TRDN: variants seen among roughly 807,000 people sequenced by gnomAD.
TRDN encodes the protein triadin, also known as triadin in skeletal muscle.
TRDN carries 161 observed loss-of-function variants against 149.7 expected under a neutral mutation model. The ratio of observed to expected loss-of-function variants is 1.08; its 90% confidence interval spans 0.95 to 1.23. The LOEUF (loss-of-function observed/expected upper bound fraction) is 1.23. TRDN is among the 50% of genes most tolerant of loss of function. The probability of loss-of-function intolerance (pLI) is 0.00; values close to 1 mark genes in which losing one functional copy is unlikely to be tolerated. For synonymous variants in TRDN, 294 were observed against 250.5 expected (o/e 1.17, Z -1.64); for missense variants, 896 against 823.5 (o/e 1.09, Z -1.08).
intron 12 of TRDN, among the ~76,000 whole-genome samples, chr6:123,417,785 G>T (rs1218167763): frequency 6.6e-6 from 1 of 152,104 alleles, no homozygotes. Context: ...CCATCTCTCC[G>T]GTTTCTCATA....
chr6:123,489,715 T>C (rs1039077385), intron 9 of TRDN: 6 of 151,846 alleles, frequency 4.0e-5, no homozygotes, highest in Non-Finnish European at 8.8e-5. Context: ...TTCCTAACAA[T>C]GCTTAAAACT....
At chr6:123,546,630 G>T (rs1781126627) in intron 4 of TRDN, among the ~76,000 whole-genome samples, 1 of 152,020 alleles carries the variant, frequency 6.6e-6, no homozygotes, top group Non-Finnish European at 1.5e-5. Flanking sequence ...CTGCTCCCCA[G>T]TGCCCCTTCC....
At chr6:123,381,890 T>C (rs986725381) in intron 15 of TRDN, among the ~76,000 whole-genome samples, 2 of 151,994 alleles carry the variant, frequency 1.3e-5, no homozygotes, top group Middle Eastern at 3.2e-3. Context: ...TGTGAAAGGA[T>C]ATGCAGTATT....
chr6:123,562,954 G>C (rs189958775), intron 2 of TRDN, among the ~76,000 whole-genome samples: 1 of 152,154 alleles, frequency 6.6e-6, no homozygotes, highest in Admixed American at 6.5e-5. Context: ...CTGAGGCATG[G>C]GCATTTTCCC....
intron 3 of TRDN, among the ~76,000 whole-genome samples, chr6:123,548,032 A>C (rs1020375896): frequency 6.6e-6 from 1 of 152,096 alleles, no homozygotes; most frequent in Non-Finnish European, 1.5e-5. Flanking sequence ...ATTTGACTAT[A>C]AATATGACAT....
At chr6:123,633,183 T>A (rs987661044) in intron 1 of TRDN, among the ~76,000 whole-genome samples, 1 of 152,070 alleles carries the variant, frequency 6.6e-6, no homozygotes, top group African/African-American at 2.4e-5. Context: ...TAATTATATA[T>A]GGGATTCCCA....
chr6:123,433,143 AATAT>A (rs540516694), intron 12 of TRDN, among the ~76,000 whole-genome samples: 2 of 96,436 alleles, frequency 2.1e-5, no homozygotes, highest in Non-Finnish European at 3.9e-5. Context: ...ACACATCATA[AATAT>A]ATATATATAT....
At chr6:123,490,186 A>T (rs1373371601) in intron 9 of TRDN, among the ~76,000 whole-genome samples, 1 of 152,256 alleles carries the variant, frequency 6.6e-6, no homozygotes, top group Non-Finnish European at 1.5e-5. Context: ...TCAAAGAGAA[A>T]AAAGGAAATA....
chr6:123,278,590 C>T (rs1777460210), intron 25 of TRDN, among the ~76,000 whole-genome samples: 1 of 152,110 alleles, frequency 6.6e-6, no homozygotes, highest in Non-Finnish European at 1.5e-5. Context: ...GGCATGGTGG[C>T]TCATGCCTGT....
chr6:123,614,938 A>G (rs1785008695), intron 1 of TRDN, among the ~76,000 whole-genome samples: 1 of 152,194 alleles, frequency 6.6e-6, no homozygotes, highest in Admixed American at 6.5e-5. Flanking sequence ...CAAGAAACTC[A>G]AACAATAGCA....
At chr6:123,507,540 T>C (rs1176756984) in intron 7 of TRDN, among the ~76,000 whole-genome samples, 3 of 152,096 alleles carry the variant, frequency 2.0e-5, no homozygotes, top group Non-Finnish European at 4.4e-5. Flanking sequence ...AAAGAAAATA[T>C]CATGAAACTA....
chr6:123,335,944 T>C (rs1285683368), intron 22 of TRDN, among the ~76,000 whole-genome samples: 1 of 151,992 alleles, frequency 6.6e-6, no homozygotes, highest in Non-Finnish European at 1.5e-5. Context: ...GCTGTTTTTA[T>C]TGACTTTCAT....
At chr6:123,499,048 C>G (rs913016993) in intron 8 of TRDN, among the ~76,000 whole-genome samples, 1 of 151,984 alleles carries the variant, frequency 6.6e-6, no homozygotes, top group African/African-American at 2.4e-5. Context: ...TTAGATGAAT[C>G]TAATTAGACT....
intron 5 of TRDN, among the ~76,000 whole-genome samples, chr6:123,517,884 G>A (rs1013137018): frequency 6.6e-6 from 1 of 151,962 alleles, no homozygotes; most frequent in Non-Finnish European, 1.5e-5. Flanking sequence ...TAATAATATT[G>A]ATATTGTTAA....
At chr6:123,595,021 T>C (rs2114630980) in intron 1 of TRDN, among the ~76,000 whole-genome samples, 1 of 152,124 alleles carries the variant, frequency 6.6e-6, no homozygotes, top group Non-Finnish European at 1.5e-5. Flanking sequence ...GACTCACAGT[T>C]CCTTATACAG....
chr6:123,608,742 G>A (rs778378671), intron 1 of TRDN, among the ~76,000 whole-genome samples: 23 of 152,114 alleles, frequency 1.5e-4, no homozygotes, highest in African/African-American at 4.8e-4. Context: ...ACTGGGATAC[G>A]TTTTCTGGGG....
chr6:123,540,592 T>C (rs949773651), intron 4 of TRDN, among the ~76,000 whole-genome samples: 30 of 152,230 alleles, frequency 2.0e-4, no homozygotes, highest in African/African-American at 7.0e-4. Flanking sequence ...CCACCTGGGC[T>C]CACCGCAGGC....
At chr6:123,249,437 C>T (rs988046430) in intron 38 of TRDN, among the ~76,000 whole-genome samples, 1 of 151,908 alleles carries the variant, frequency 6.6e-6, no homozygotes, top group East Asian at 1.9e-4. Flanking sequence ...GCATATCTAC[C>T]CAAAGGAAAA....
chr6:123,393,517 TCC>T, intron 13 of TRDN, 105 bp downstream of exon 13: 1 of 954,652 alleles, frequency 1.0e-6, no homozygotes, highest in Admixed American at 3.1e-5. Context: ...TTTTGCAATA[TCC>T]CAGCAGATGG....
Sources: gnomAD v4.1 joint callset for allele counts (sites outside exome capture counted in the v4.1 genomes callset) on GRCh38, gnomAD v4.1.1 for gene constraint, MANE v1.5 for transcripts, NCBI Gene and HGNC (gene_info 2026-07-23, HGNC 2026-07-21) for gene names.